The following SLC4A8 variants were observed in gnomAD, a reference collection of about 807,000 sequenced individuals.
SLC4A8 encodes solute carrier family 4 member 8, also known as electroneutral sodium bicarbonate exchanger 1.
In SLC4A8, 40 loss-of-function variants were observed where a neutral mutation model predicts 125.0. The observed-to-expected ratio is 0.32, with a 90% confidence interval of 0.25 to 0.42. The LOEUF (loss-of-function observed/expected upper bound fraction) is 0.42. Ranked by LOEUF, SLC4A8 falls within the 10% of genes least tolerant of loss-of-function variation. The pLI, the probability that SLC4A8 is intolerant of heterozygous loss-of-function variation, is 1.00. For missense variants in SLC4A8, 863 were observed against 1,355.1 expected (o/e 0.64, Z 5.70); for synonymous variants, 456 against 476.0 (o/e 0.96, Z 0.55).
At chr12:51,433,851 G>GTTTTTTTTTTTTTT (rs869249897) in intron 1 of SLC4A8, among the ~76,000 whole-genome samples, 1 of 65,280 alleles carries the variant, frequency 1.5e-5, no homozygotes, top group African/African-American at 6.4e-5. Flanking sequence ...CACACCATCT[G>GTTTTTTTTTTTTTT]TTTTTTTTTT....
rs545251675 is a variant in SLC4A8 at position 51,408,164 on chromosome 12, C to G, written c.-112+16676C>G. Reference sequence around the variant, plus strand: ...CCAAATAAGGTTATATTCTTAGGTACTGGGGGCTAGGGGTTAGGACTTCAC... The same window carrying G: ...CCAAATAAGGTTATATTCTTAGGTAGTGGGGGCTAGGGGTTAGGACTTCAC... On this transcript the variant is annotated intron_variant, in intron 1 of 24. Coordinates refer to the SLC4A8 transcript ENST00000358657. Among the ~76,000 whole-genome samples the G allele has an allele frequency of 2.2e-4, 33 of 152,284 alleles. 1 individual carries two copies. The highest frequency in any genetic ancestry group is 7.2e-4 in the African/African-American group (30 of 41,562).
Position 51,440,722 on chromosome 12 carries a change from A to G in SLC4A8, c.63A>G (p.Glu21=). The G allele has an allele frequency of 6.2e-7, 1 of 1,611,440 alleles. No homozygotes were observed. Among genetic ancestry groups the G allele is most frequent in the Non-Finnish European group, 8.5e-7 (1 of 1,179,172 alleles). ...TGTTTAAACAGAGACCAGATGAAGA[A>G]GCTGTGGTGGATCAGGGTGGGACCA... is the stretch of plus-strand genomic sequence containing the variant. ...GVLSYQRPDE[E]AVVDQGGTST... The change falls in exon 2 of 25, where the codon GAA becomes GAG. Residue 21 remains glutamate (E), a synonymous_variant. Coordinates refer to ENST00000453097, the MANE Select transcript of SLC4A8 (RefSeq NM_001039960.3).
At chr12:51,421,118 A>G (rs1948781205), upstream of SLC4A8, among the ~76,000 whole-genome samples, 1 of 152,168 alleles carries the variant, frequency 6.6e-6, no homozygotes, top group South Asian at 2.1e-4. Flanking sequence ...CTGAAGATTC[A>G]AGAAGGCTCT....
chr12:51,481,103 G>T (rs1449102939), intron 16 of SLC4A8, among the ~76,000 whole-genome samples: 2 of 152,026 alleles, frequency 1.3e-5, no homozygotes, highest in African/African-American at 4.8e-5. Flanking sequence ...ATTTTCCTGT[G>T]GTTACTACTA....
chr12:51,434,237 TA>T (rs1266839640), intron 1 of SLC4A8, among the ~76,000 whole-genome samples: 2 of 152,108 alleles, frequency 1.3e-5, no homozygotes, highest in Admixed American at 1.3e-4. Context: ...ATTTCATGAG[TA>T]AAAATTTCAG....
chr12:51,453,508 T>A (rs201512119), intron 4 of SLC4A8, 31 bp from the exon 5 acceptor site: 30 of 1,603,922 alleles, frequency 1.9e-5, no homozygotes, highest in Non-Finnish European at 2.5e-5. Context: ...ATTTTCTATC[T>A]TTGGCATCTA....
intron 14 of SLC4A8, among the ~76,000 whole-genome samples, chr12:51,474,032 AC>A (rs1950789442): frequency 2.9e-5 from 4 of 139,164 alleles, no homozygotes; most frequent in South Asian, 2.3e-4. Flanking sequence ...AAACAAAAAA[AC>A]AAAACAAAAA....
chr12:51,412,146 T>G (rs964417769), intron 1 of SLC4A8, among the ~76,000 whole-genome samples: 2 of 151,126 alleles, frequency 1.3e-5, no homozygotes, highest in African/African-American at 2.4e-5. Flanking sequence ...TTATTGAGGG[T>G]TTTTTTTTGG....
chr12:51,501,821 A>AT (rs1467435686), intron 22 of SLC4A8: 1 of 152,166 alleles, frequency 6.6e-6, no homozygotes, highest in Non-Finnish European at 1.5e-5. Flanking sequence ...AAAGTCTGTT[A>AT]TTTTTTGACT....
chr12:51,453,179 G>A (rs372767029), intron 4 of SLC4A8, among the ~76,000 whole-genome samples: 1 of 152,072 alleles, frequency 6.6e-6, no homozygotes, highest in East Asian at 1.9e-4. Flanking sequence ...TAATTGTACA[G>A]GTAATGCATG....
intron 1 of SLC4A8, among the ~76,000 whole-genome samples, chr12:51,394,398 G>T (rs1948220301): frequency 6.6e-6 from 1 of 152,236 alleles, no homozygotes; most frequent in Non-Finnish European, 1.5e-5. Flanking sequence ...CATGCACTGA[G>T]CTGTTCTCTC....
intron 24 of SLC4A8, 43 bp from the exon 25 acceptor site, chr12:51,507,383 A>T (rs181107634): frequency 7.8e-7 from 1 of 1,286,730 alleles, no homozygotes; most frequent in African/African-American, 1.5e-5. Flanking sequence ...GGAGGAATGA[A>T]TCATATGTTC....
intron 21 of SLC4A8, among the ~76,000 whole-genome samples, chr12:51,496,579 A>T (rs1951464776): frequency 6.6e-6 from 1 of 152,226 alleles, no homozygotes; most frequent in South Asian, 2.1e-4. Context: ...ATCAGAGGGA[A>T]TAAAGATGAT....
intron 1 of SLC4A8, among the ~76,000 whole-genome samples, chr12:51,433,462 C>A (rs945999809): frequency 2.6e-5 from 4 of 152,060 alleles, no homozygotes; most frequent in Non-Finnish European, 5.9e-5. Flanking sequence ...GGATTCTAAT[C>A]TTTTCTGAGT....
rs1358197133 is a variant in SLC4A8, at chr12:51,515,141, G to A, written c.*7703G>A. 6.6e-6 allele frequency: 1 copy of A among 152,232 alleles called. No individual in the cohort carries two copies. Among genetic ancestry groups the A allele is most frequent in the Admixed American group, 6.5e-5 (1 of 15,284 alleles). The allele number at this position is 152,232 out of a possible 1,614,324, so 9.4% of individuals were successfully genotyped here. On this transcript the variant is annotated 3_prime_UTR_variant, in exon 25 of 25. Coordinates refer to ENST00000453097, the MANE Select transcript of SLC4A8 (RefSeq NM_001039960.3). ...AGCGGAGCTTGGGCTTCGCTTAGCA[G>A]GTTTGCAATTGACTTCAACATGCAG...
intron 1 of SLC4A8, 93 bp downstream of exon 1, chr12:51,425,128 G>T (rs1482170536): frequency 1.4e-6 from 2 of 1,479,284 alleles, no homozygotes; most frequent in Non-Finnish European, 9.0e-7. Context: ...CCGAGCCCAG[G>T]CTTCCCAGGC....
intron 14 of SLC4A8, among the ~76,000 whole-genome samples, 183 bp from the exon 15 acceptor site, chr12:51,474,159 G>T (rs1020166531): frequency 2.0e-5 from 3 of 152,194 alleles, no homozygotes; most frequent in Admixed American, 6.5e-5. Flanking sequence ...TCAAACTTTT[G>T]TAATGACTGA....
intron 1 of SLC4A8, among the ~76,000 whole-genome samples, chr12:51,416,122 A>G (rs889197219): frequency 2.7e-5 from 4 of 148,944 alleles, no homozygotes; most frequent in African/African-American, 1.0e-4. Context: ...AATAATCTGT[A>G]CCTTTGGCAT....
At chr12:51,456,136 A>G (rs1053212136) in intron 5 of SLC4A8, among the ~76,000 whole-genome samples, 1 of 152,160 alleles carries the variant, frequency 6.6e-6, no homozygotes, top group African/African-American at 2.4e-5. Flanking sequence ...AGTGTCAGTA[A>G]GGGATGGATA....
Sources: allele counts gnomAD v4.1 joint callset (sites outside exome capture counted in the v4.1 genomes callset), GRCh38; gene constraint gnomAD v4.1.1; transcripts MANE v1.5; gene names NCBI Gene and HGNC (gene_info 2026-07-23, HGNC 2026-07-21).